The following FBN2 variants were observed in gnomAD, a reference collection of about 807,000 sequenced individuals.
FBN2 encodes fibrillin-2.
A neutral mutation model predicts 355.6 loss-of-function variants in FBN2; 105 were observed. The observed-to-expected ratio is 0.30, with a 90% CI of 0.25 to 0.35. The LOEUF (loss-of-function observed/expected upper bound fraction) is 0.35, where lower values mean the gene tolerates loss of function less well. Ranked by LOEUF, FBN2 falls within the 10% of genes least tolerant of loss-of-function variation. The probability of loss-of-function intolerance (pLI) is 1.00; values close to 1 mark genes in which losing one functional copy is unlikely to be tolerated. For synonymous variants in FBN2, 1,350 were observed against 1,301.2 expected, an observed-to-expected ratio of 1.04 and a Z score of -0.81; for missense variants, 3,280 against 3,758.7, an observed-to-expected ratio of 0.87 and a Z score of 3.33.
rs754475064 is a variant in FBN2, at chr5:128,259,621, G to T, written c.8573C>A (p.Thr2858Lys). ...HQRNGLSYLH[T>K]AKKKLMPGTY... is the part of the protein sequence containing the mutation. ...GCCGGGCATGAGCTTCTTCTTGGCC[G>T]TGTGCAAGTAGCTGAGCCCATTCCT... Residue 2858 changes from threonine to lysine, a missense_variant, in exon 65 of 65, where the codon ACG becomes AAG. Transcript: ENST00000262464. 1.2e-6 allele frequency: 2 copies of T among 1,614,022 alleles called. No individual in the cohort carries two copies. Among genetic ancestry groups the T allele is most frequent in the Non-Finnish European group, 1.7e-6 (2 of 1,180,018 alleles).
At chr5:128,391,993 G>A (rs1752524604) in intron 11 of FBN2, 25 bp downstream of exon 11, 1 of 1,606,246 alleles carries the variant, frequency 6.2e-7, no homozygotes, top group Admixed American at 1.7e-5. Context: ...AACTAAGAAG[G>A]ATTATTAAAG....
intron 56 of FBN2, among the ~76,000 whole-genome samples, chr5:128,279,757 T>C (rs1271380088): frequency 6.6e-6 from 1 of 152,148 alleles, no homozygotes; most frequent in Non-Finnish European, 1.5e-5. Context: ...ATATTTCCCA[T>C]AAAAAGGTTT....
chr5:128,487,633 G>A (rs1436925825), intron 5 of FBN2, among the ~76,000 whole-genome samples: 1 of 152,150 alleles, frequency 6.6e-6, no homozygotes, highest in African/African-American at 2.4e-5. Context: ...CTAGCACAGT[G>A]ACTAGCAGAT....
intron 7 of FBN2, among the ~76,000 whole-genome samples, chr5:128,424,766 A>G (rs1368818563): frequency 2.0e-5 from 3 of 152,194 alleles, no homozygotes; most frequent in Non-Finnish European, 4.4e-5. Flanking sequence ...TCAATACTGC[A>G]TCTTTCTAAA....
At chr5:128,511,539 G>T (rs1351120401) in intron 5 of FBN2, among the ~76,000 whole-genome samples, 1 of 152,140 alleles carries the variant, frequency 6.6e-6, no homozygotes, top group Admixed American at 6.5e-5. Context: ...CATGTATGAT[G>T]CGTCTTCCAT....
chr5:128,528,973 T>C (rs1470536022), intron 3 of FBN2, among the ~76,000 whole-genome samples: 3 of 152,290 alleles, frequency 2.0e-5, no homozygotes, highest in Non-Finnish European at 2.9e-5. Context: ...AGAGCCGACA[T>C]AGAGAAAGAG....
intron 4 of FBN2, among the ~76,000 whole-genome samples, chr5:128,523,337 TCA>T (rs1445507779): frequency 6.6e-6 from 1 of 152,252 alleles, no homozygotes; most frequent in East Asian, 1.9e-4. Context: ...CCACACTCTC[TCA>T]GTTTTCATTC....
intron 6 of FBN2, among the ~76,000 whole-genome samples, chr5:128,451,159 C>T (rs1455369140): frequency 6.6e-6 from 1 of 152,086 alleles, no homozygotes; most frequent in African/African-American, 2.4e-5. Context: ...CTGTATATCT[C>T]AGTGTGTAAA....
chr5:128,416,380 A>G (rs774814155), intron 7 of FBN2, among the ~76,000 whole-genome samples: 8 of 152,150 alleles, frequency 5.3e-5, no homozygotes, highest in Non-Finnish European at 1.0e-4. Context: ...CACTCTGTGG[A>G]TTATTTCCTT....
chr5:128,289,402 G>T lies in FBN2; in HGVS notation c.6512-150C>A, dbSNP rs377712856. 4.5e-5 allele frequency: 35 copies of T among 770,112 alleles called. No homozygotes were observed. In the East Asian group the frequency reaches 4.9e-4, roughly 11 times the overall value. The allele number at this position is 770,112 out of a possible 1,614,324, so 47.7% of individuals were successfully genotyped here. A position where few individuals can be genotyped will look rare whatever the true frequency, so the allele number is the denominator to read the frequency against. On this transcript the variant is annotated intron_variant, in intron 51 of 64. Transcript: ENST00000262464. ...AGCTTGAGACCAGCCTGGGCAACAT[G>T]GCGAAACCCCATCTCTACTAAAAAT...
intron 7 of FBN2, among the ~76,000 whole-genome samples, chr5:128,434,330 C>T (rs1753712342): frequency 6.8e-6 from 1 of 146,048 alleles, no homozygotes. Flanking sequence ...AAAGAAATGG[C>T]AGCCCATAAC....
At chr5:128,294,074 G>A (rs1044329996) in intron 48 of FBN2, among the ~76,000 whole-genome samples, 8 of 151,752 alleles carry the variant, frequency 5.3e-5, no homozygotes, top group African/African-American at 1.9e-4. Context: ...ACCTATGAGT[G>A]AGAATATGCG....
chr5:128,496,244 C>T (rs1330320440), intron 5 of FBN2, among the ~76,000 whole-genome samples: 1 of 152,006 alleles, frequency 6.6e-6, no homozygotes, highest in Non-Finnish European at 1.5e-5. Context: ...AAGAAAACTA[C>T]AGACAATATT....
intron 34 of FBN2, among the ~76,000 whole-genome samples, chr5:128,320,983 A>G (rs1280408345): frequency 1.3e-5 from 2 of 152,242 alleles, no homozygotes; most frequent in Admixed American, 1.3e-4. Flanking sequence ...TTTAATGTCT[A>G]TGGCAGTTTA....
At chr5:128,393,440 G>A in intron 9 of FBN2, 72 bp from the exon 10 acceptor site, 2 of 1,306,556 alleles carry the variant, frequency 1.5e-6, no homozygotes, top group Non-Finnish European at 2.2e-6. Flanking sequence ...TTGGTACACT[G>A]TACTAAGTCA....
chr5:128,421,543 TTGTTGAC>T (rs1753350196), intron 7 of FBN2, among the ~76,000 whole-genome samples: 1 of 152,196 alleles, frequency 6.6e-6, no homozygotes, highest in Non-Finnish European at 1.5e-5. Context: ...TATCTAAAAA[TTGTTGAC>T]TGTCTAGAGT....
At chr5:128,296,149 G>A (rs1398856763) in intron 48 of FBN2, among the ~76,000 whole-genome samples, 4 of 152,124 alleles carry the variant, frequency 2.6e-5, no homozygotes, top group South Asian at 4.2e-4. Flanking sequence ...TTGTTGATTT[G>A]CATATATTGA....
chr5:128,464,677 G>A, intron 6 of FBN2, 47 bp downstream of exon 6: 1 of 1,589,928 alleles, frequency 6.3e-7, no homozygotes, highest in East Asian at 2.2e-5. Flanking sequence ...AACAAAAAGA[G>A]AAGTGGCAGG....
At chr5:128,455,241 A>G (rs1214854210) in intron 6 of FBN2, among the ~76,000 whole-genome samples, 1 of 152,208 alleles carries the variant, frequency 6.6e-6, no homozygotes, top group African/African-American at 2.4e-5. Context: ...AAAAGGGCTT[A>G]ATGACACTAT....
Sources: allele counts gnomAD v4.1 joint callset (sites outside exome capture counted in the v4.1 genomes callset), GRCh38; gene constraint gnomAD v4.1.1; transcripts MANE v1.5; gene names NCBI Gene and HGNC (gene_info 2026-07-23, HGNC 2026-07-21).